SNX10: variants seen among roughly 807,000 people sequenced by gnomAD.
SNX10 encodes the protein sorting nexin 10, also known as sorting nexin-10.
In SNX10, 25 loss-of-function variants were observed where a neutral mutation model predicts 28.5. The observed-to-expected ratio is 0.88, with a 90% confidence interval of 0.64 to 1.22. The LOEUF (loss-of-function observed/expected upper bound fraction) is 1.22, where lower values mean the gene tolerates loss of function less well. Among genes scored for constraint, SNX10 ranks in the 50% most tolerant of loss-of-function variants. The pLI is 0.00. For missense variants in SNX10, 223 were observed against 242.6 expected (o/e 0.92, Z 0.54); for synonymous variants, 62 against 81.4 (o/e 0.76, Z 1.28).
chr7:26,316,984 A>G (rs1299800075), intron 1 of SNX10, among the ~76,000 whole-genome samples: 1 of 152,196 alleles, frequency 6.6e-6, no homozygotes, highest in Non-Finnish European at 1.5e-5. Flanking sequence ...AGGCTAATGC[A>G]TATTTCCTGT....
intron 1 of SNX10, among the ~76,000 whole-genome samples, chr7:26,307,894 T>A (rs921640306): frequency 6.6e-6 from 1 of 152,172 alleles, no homozygotes; most frequent in Admixed American, 6.5e-5. Context: ...AGTCTTTTGA[T>A]GAAGCTCATG....
At chr7:26,299,513 C>T (rs906761977) in intron 1 of SNX10, among the ~76,000 whole-genome samples, 2 of 150,134 alleles carry the variant, frequency 1.3e-5, no homozygotes, top group African/African-American at 2.5e-5. Flanking sequence ...TCACTGCGAC[C>T]TCTGCCTCCC....
rs200345823 is a variant in SNX10, at chr7:26,372,493, C to G, written c.527C>G (p.Ser176Ter). 1.2e-6 allele frequency: 2 copies of G among 1,600,814 alleles called. No homozygotes were observed. The highest frequency in any genetic ancestry group is 4.5e-5 in the East Asian group (2 of 44,774). Residue 176 changes from serine to a stop codon, truncating the protein, a stop_gained and splice_region_variant, in exon 7 of 7, where the codon TCA becomes TGA. Transcript: ENST00000338523. LOFTEE classifies it high-confidence loss of function. ...TTTCCCCCTCTCTTCTTTTCCAGTT[C>G]ATCCTCTGGGCTTGGACACAGTAGT... Reference protein sequence around the residue: ...ENDIDYDSESSSSGLGHSSDD... With the variant: ...ENDIDYDSES
chr7:26,304,439 C>CAGAG (rs548174767), intron 1 of SNX10, among the ~76,000 whole-genome samples: 44 of 152,278 alleles, frequency 2.9e-4, no homozygotes, highest in African/African-American at 9.9e-4. Context: ...CAGAAGCAGA[C>CAGAG]AGAGCAGTCT....
chr7:26,328,229 G>C (rs2128003344), intron 1 of SNX10, among the ~76,000 whole-genome samples: 1 of 152,288 alleles, frequency 6.6e-6, no homozygotes, highest in South Asian at 2.1e-4. Context: ...AGGGCTGGCT[G>C]ACCAGTTGGG....
chr7:26,355,346 G>A (rs993539017), intron 2 of SNX10, among the ~76,000 whole-genome samples: 1 of 152,052 alleles, frequency 6.6e-6, no homozygotes, highest in African/African-American at 2.4e-5. Flanking sequence ...GCCCATCTAT[G>A]TCTTCAAAAA....
At chr7:26,332,468 A>G (rs1383130593) in intron 1 of SNX10, among the ~76,000 whole-genome samples, 1 of 152,202 alleles carries the variant, frequency 6.6e-6, no homozygotes, top group Non-Finnish European at 1.5e-5. Context: ...AGTTCTTGAT[A>G]TAGTTTAGAC....
In SNX10 at chr7:26,365,088, T is replaced by C. The variant is rs770551857; in HGVS notation, c.254T>C (p.Met85Thr). 1.7e-5 allele frequency: 28 copies of C among 1,613,192 alleles called. No individual in the cohort carries two copies. The highest frequency in any genetic ancestry group is 3.3e-4 in the Middle Eastern group (2 of 6,084). The change falls in exon 5 of 7, where the codon ATG becomes ACG. Residue 85 changes from methionine (M) to threonine (T), a missense_variant. Physicochemically the swap from Met to Thr is moderately conservative, Grantham distance 81. Transcript: ENST00000338523. ...ELPSKNLFFN[M>T]NNRQHVDQRR... is the part of the protein sequence containing the mutation. ...CCATCTAAAAACCTGTTTTTCAACA[T>C]GAACAATCGCCAGCACGTGGATCAG...
chr7:26,366,312 A>G (rs961788596), intron 5 of SNX10, among the ~76,000 whole-genome samples: 1 of 152,194 alleles, frequency 6.6e-6, no homozygotes, highest in Non-Finnish European at 1.5e-5. Flanking sequence ...ATTTATTTCT[A>G]TTAGATTGAC....
chr7:26,300,163 A>G (rs1253884021), intron 1 of SNX10, among the ~76,000 whole-genome samples: 1 of 152,108 alleles, frequency 6.6e-6, no homozygotes, highest in Non-Finnish European at 1.5e-5. Flanking sequence ...GTGAGCAGAG[A>G]TTATGCCACT....
At chr7:26,340,784 A>C (rs994067886) in intron 1 of SNX10, among the ~76,000 whole-genome samples, 8 of 152,156 alleles carry the variant, frequency 5.3e-5, no homozygotes, top group African/African-American at 1.9e-4. Flanking sequence ...TGTTTATTTT[A>C]GAGACAGAGT....
chr7:26,317,977 A>G (rs1477479230), intron 1 of SNX10, among the ~76,000 whole-genome samples: 4 of 152,082 alleles, frequency 2.6e-5, no homozygotes, highest in East Asian at 3.9e-4. Flanking sequence ...GTGATCTTCT[A>G]ATAGGCCAAA....
chr7:26,371,921 A>G lies in SNX10; in HGVS notation c.412A>G (p.Thr138Ala), dbSNP rs1789560417. 6.2e-7 allele frequency: 1 copy of G among 1,613,664 alleles called. No homozygotes were observed. The highest frequency in any genetic ancestry group is 8.5e-7 in the Non-Finnish European group (1 of 1,179,656). ...EDIEACVSGQ[T>A]KYSVEEAIHK... Reference sequence around the variant, plus strand: ...CATTGAGGCGTGTGTTTCTGGGCAGACTAAGTACTCTGTGGAAGAAGCAAT... The same window carrying G: ...CATTGAGGCGTGTGTTTCTGGGCAGGCTAAGTACTCTGTGGAAGAAGCAAT... The change falls in exon 6 of 7, where the codon ACT becomes GCT. Residue 138 changes from threonine to alanine, a missense_variant. Transcript: ENST00000338523.
chr7:26,294,603 AG>A (rs142612726), intron 1 of SNX10, among the ~76,000 whole-genome samples: 1 of 152,330 alleles, frequency 6.6e-6, no homozygotes, highest in East Asian at 1.9e-4. Flanking sequence ...TACTGTCTTC[AG>A]TTTACCTCTG....
chr7:26,340,005 T>C (rs1374080608), intron 1 of SNX10, among the ~76,000 whole-genome samples: 9 of 104,282 alleles, frequency 8.6e-5, no homozygotes. Context: ...GTCTTTGCCG[T>C]TTTTTTTTTA....
At chr7:26,304,366 C>T (rs1001605928) in intron 1 of SNX10, among the ~76,000 whole-genome samples, 21 of 152,342 alleles carry the variant, frequency 1.4e-4, no homozygotes, top group African/African-American at 5.0e-4. Flanking sequence ...GCCATTGTTA[C>T]TTTCCTATTA....
intron 3 of SNX10, among the ~76,000 whole-genome samples, chr7:26,362,616 TA>T (rs1789123224): frequency 6.6e-6 from 1 of 152,216 alleles, no homozygotes; most frequent in African/African-American, 2.4e-5. Flanking sequence ...CAGTATCCTC[TA>T]ATCTTGAAGA....
At chr7:26,296,134 C>CATAA (rs925137866) in intron 1 of SNX10, among the ~76,000 whole-genome samples, 2 of 151,778 alleles carry the variant, frequency 1.3e-5, no homozygotes, top group East Asian at 1.9e-4. Flanking sequence ...GACTCTGTCT[C>CATAA]ATAAATAAAT....
chr7:26,319,792 G>T (rs974930188), intron 1 of SNX10, among the ~76,000 whole-genome samples: 3 of 152,124 alleles, frequency 2.0e-5, no homozygotes, highest in Non-Finnish European at 4.4e-5. Flanking sequence ...GCTAAGGCGG[G>T]GGGGAAATGA....
Sources: gnomAD v4.1 joint callset for allele counts (sites outside exome capture counted in the v4.1 genomes callset) on GRCh38, gnomAD v4.1.1 for gene constraint, MANE v1.5 for transcripts, NCBI Gene and HGNC (gene_info 2026-07-23, HGNC 2026-07-21) for gene names.